Variants in C3AR1 observed in about 807,000 individuals in gnomAD.
C3AR1 encodes the protein complement C3a receptor 1, also known as C3a anaphylatoxin chemotactic receptor.
For missense variants in C3AR1, 579 were observed against 583.5 expected, an observed-to-expected ratio of 0.99 and a Z score of 0.08; for synonymous variants, 208 against 225.3, an observed-to-expected ratio of 0.92 and a Z score of 0.69.
At chr12:8,061,469 A>ATTC (rs1947273165) in intron 1 of C3AR1, among the ~76,000 whole-genome samples, 1 of 151,472 alleles carries the variant, frequency 6.6e-6, no homozygotes, top group South Asian at 2.1e-4. Context: ...TATTATTATT[A>ATTC]TTATTATTTT....
chr12:8,059,711 C>T lies in C3AR1; in HGVS notation c.475G>A (p.Val159Met), dbSNP rs758711287. 166 of 1,614,110 alleles carry T rather than the reference C, an allele frequency of 1.0e-4. No individual in the cohort carries two copies. In the South Asian group the frequency reaches 1.4e-3, roughly 14 times the overall value. Residue 159 changes from valine to methionine, a missense_variant, in exon 2 of 2, where the codon GTG becomes ATG. Transcript: ENST00000307637. ...TCTGTAGTGAAGATTTCCCGGTACACGAACACAGGAATGCACATCACAAAA... is the reference window on the plus strand; with the variant it reads ...TCTGTAGTGAAGATTTCCCGGTACATGAACACAGGAATGCACATCACAAAA... ...VAFVMCIPVFVYREIFTTDNH... is the reference protein window; with the variant it reads ...VAFVMCIPVFMYREIFTTDNH...
chr12:8,064,053 CAA>C (rs1205618939), intron 1 of C3AR1, among the ~76,000 whole-genome samples: 2 of 150,084 alleles, frequency 1.3e-5, no homozygotes, highest in African/African-American at 4.9e-5. Context: ...GCCTGCATGA[CAA>C]AGAGACTCTG....
At chr12:8,063,006 GGA>G (rs1429799516) in intron 1 of C3AR1, among the ~76,000 whole-genome samples, 20 of 125,324 alleles carry the variant, frequency 1.6e-4, no homozygotes, top group African/African-American at 5.7e-4. Context: ...CTCCCAGGCT[GGA>G]GTGCAATGGT....
intron 1 of C3AR1, among the ~76,000 whole-genome samples, chr12:8,062,974 T>G (rs1947290793): frequency 7.3e-6 from 1 of 137,612 alleles, no homozygotes; most frequent in Non-Finnish European, 1.6e-5. Context: ...TTTTTTTTTT[T>G]TGTGATGGAG....
Position 8,059,095 on chromosome 12 carries a change from T to C in C3AR1, c.1091A>G (p.Gln364Arg). Residue 364 changes from glutamine to arginine, a missense_variant, in exon 2 of 2, where the codon CAA becomes CGA. Physicochemically the swap from Gln to Arg is conservative, Grantham distance 43 (BLOSUM62 1). Transcript: ENST00000307637. Reference protein sequence around the residue: ...ACYSFIVFRMQRGRFAKSQSK... With the variant: ...ACYSFIVFRMRRGRFAKSQSK... ...CTGAGACTTGGCGAAGCGGCCCCTT[T>C]GCATTCGGAAGACAATGAAGCTGTA... 1 of 1,614,162 alleles carries C rather than the reference T, an allele frequency of 6.2e-7. No homozygotes were observed.
chr12:8,058,025 A>G lies in C3AR1; in HGVS notation c.*712T>C, dbSNP rs1444242410. Among the ~76,000 whole-genome samples, 1 of 152,190 alleles carries G rather than the reference A, an allele frequency of 6.6e-6. No homozygotes were observed. The highest frequency in any genetic ancestry group is 2.4e-5 in the African/African-American group (1 of 41,436). ...CAAACCACAGCTTTCATAACATTTCATGAGTCAGTTTTCACACAATAGATG... is the reference window on the plus strand; with the variant it reads ...CAAACCACAGCTTTCATAACATTTCGTGAGTCAGTTTTCACACAATAGATG... On this transcript the variant is annotated 3_prime_UTR_variant, in exon 2 of 2. Transcript: ENST00000307637.
Position 8,059,955 on chromosome 12 carries a change from G to A in C3AR1, c.231C>T (p.Phe77=), listed in dbSNP as rs745329924. Residue 77 remains phenylalanine, a synonymous_variant, in exon 2 of 2, where the codon TTC becomes TTT. Coordinates refer to ENST00000307637, the MANE Select transcript of C3AR1 (RefSeq NM_004054.4). ...ADLLCCLSLP[F]SLAHLALQGQ... ...CCTGGAGAGCCAAGTGAGCCAGCGA[G>A]AAGGGCAAGGAGAGGCAGCAGAGGA... The A allele has an allele frequency of 6.2e-7, 1 of 1,614,216 alleles. No homozygotes were observed. Among genetic ancestry groups the A allele is most frequent in the Non-Finnish European group, 8.5e-7 (1 of 1,180,040 alleles).
At chr12:8,061,065 T>C (rs1947268635) in intron 1 of C3AR1, among the ~76,000 whole-genome samples, 1 of 152,238 alleles carries the variant, frequency 6.6e-6, no homozygotes, top group African/African-American at 2.4e-5. Context: ...AGAGGTACTC[T>C]AGACTCAGCG....
In C3AR1 at chr12:8,060,131, T is replaced by A; in HGVS notation, c.55A>T (p.Asn19Tyr). The part of the protein sequence containing the change: ...NSTDLLSQPW[N>Y]EPPVILSMVI... ...ATGGAGAGAATTACTGGGGGCTCAT[T>A]CCATGGCTGTGAGAGTAGGTCAGTT... Residue 19 changes from asparagine to tyrosine, a missense_variant, in exon 2 of 2, where the codon AAT (asparagine) becomes TAT (tyrosine). Coordinates refer to ENST00000307637, the MANE Select transcript of C3AR1 (RefSeq NM_004054.4). The A allele has an allele frequency of 6.2e-7, 1 of 1,613,946 alleles. No individual in the cohort carries two copies. Among genetic ancestry groups the A allele is most frequent in the Admixed American group, 1.7e-5 (1 of 60,014 alleles).
At position 8,059,577 on chromosome 12, in the gene C3AR1, C is replaced by A. The variant is rs138822577; in HGVS notation, c.609G>T (p.Pro203=). The change falls in exon 2 of 2, where the codon CCG becomes CCT. Residue 203 remains proline (P), a synonymous_variant. Transcript: ENST00000307637. The stretch of plus-strand genomic sequence containing the variant: ...CTAACCTATCATTCATTTCTCCAGG[C>A]GGCTGAACAATGTTTTCAAGAGACC... ...ENRSLENIVQ[P]PGEMNDRLDP... is the part of the protein sequence containing the mutation. The A allele has an allele frequency of 7.1e-5, 114 of 1,614,016 alleles. No individual in the cohort carries two copies. The highest frequency in any genetic ancestry group is 1.6e-4 in the Middle Eastern group (1 of 6,084).
intron 1 of C3AR1, among the ~76,000 whole-genome samples, chr12:8,061,402 G>C (rs1947272273): frequency 6.6e-6 from 1 of 151,998 alleles, no homozygotes. Context: ...GACAGCAGGG[G>C]CTGTGATGGC....
intron 1 of C3AR1, among the ~76,000 whole-genome samples, chr12:8,062,392 T>C (rs769960482): frequency 6.6e-6 from 1 of 152,168 alleles, no homozygotes; most frequent in African/African-American, 2.4e-5. Context: ...GGTCTCCAAC[T>C]CCTGGGCTCT....
chr12:8,061,238 A>G (rs1156250657), intron 1 of C3AR1, among the ~76,000 whole-genome samples: 6 of 152,210 alleles, frequency 3.9e-5, no homozygotes, highest in Admixed American at 1.3e-4. Flanking sequence ...AGCAAAAAAT[A>G]TGCATGAAGA....
chr12:8,058,505 C>T lies in C3AR1; in HGVS notation c.*232G>A. ...GGTTTGTTAAGTGCCCTTGCTGGGT[C>T]CCAACCCCCAGAGATTCCGATTCAG... On this transcript the variant is annotated 3_prime_UTR_variant, in exon 2 of 2. Transcript: ENST00000307637. The T allele has an allele frequency of 2.0e-6, 1 of 501,850 alleles. No homozygotes were observed. The highest frequency in any genetic ancestry group is 3.5e-6 in the Non-Finnish European group (1 of 285,262). The allele number at this position is 501,850 out of a possible 1,614,324, so 31.1% of individuals were successfully genotyped here. A position where few individuals can be genotyped will look rare whatever the true frequency, so the allele number is the denominator to read the frequency against.
chr12:8,058,546 G>T lies in C3AR1; in HGVS notation c.*191C>A. The T allele has an allele frequency of 3.2e-6, 2 of 631,872 alleles. No individual in the cohort carries two copies. Among genetic ancestry groups the T allele is most frequent in the Non-Finnish European group, 5.3e-6 (2 of 380,066 alleles). The allele number at this position is 631,872 out of a possible 1,614,324, so 39.1% of individuals were successfully genotyped here. ...TCCGATTCAGCAAGTCTGGGATGCG[G>T]CTTGAGAATTTGCATTTCTAACAAG... is the stretch of plus-strand genomic sequence containing the variant. On this transcript the variant is annotated 3_prime_UTR_variant, in exon 2 of 2. Transcript: ENST00000307637.
rs755562584 is a variant in C3AR1, at chr12:8,059,396, C to T, written c.790G>A (p.Val264Met). ...LYSNVFKPAD[V>M]VSPKIPSGFP... ...CCACTGGGGATTTTAGGTGAGACCA[C>T]ATCAGCAGGTTTAAATACATTAGAA... The change falls in exon 2 of 2, where the codon GTG (valine) becomes ATG (methionine). Residue 264 changes from valine to methionine, a missense_variant. Val to Met is a conservative substitution (Grantham distance 21, BLOSUM62 1). Transcript: ENST00000307637. 1.9e-5 allele frequency: 31 copies of T among 1,614,006 alleles called. No individual in the cohort carries two copies. The Admixed American group carries it at 2.8e-4, about 15-fold the overall frequency.
At chr12:8,064,605 C>T (rs1014030622) in intron 1 of C3AR1, among the ~76,000 whole-genome samples, 5 of 150,920 alleles carry the variant, frequency 3.3e-5, no homozygotes, top group South Asian at 2.1e-4. Context: ...AGGAGAATCG[C>T]TTGAACCTGG....
At position 8,059,916 on chromosome 12, in the gene C3AR1, GT is replaced by G. The variant is rs1565636037; in HGVS notation, c.269del (p.Tyr90SerfsTer47). 1 of 1,614,188 alleles carries G rather than the reference GT, an allele frequency of 6.2e-7. No individual in the cohort carries two copies. Among genetic ancestry groups the G allele is most frequent in the East Asian group, 2.2e-5 (1 of 44,884 alleles). On this transcript the variant is annotated frameshift_variant, in exon 2 of 2. Transcript: ENST00000307637. LOFTEE classifies it low-confidence loss of function (END_TRUNC). ...GGATGAGCTTGCATAGGAACCTGCC[GT>G]AGGGCCACTGTCCCTGGAGAGCCAA... ...AHLALQGQWP[Y>X]GRFLCKLIPS...
intron 1 of C3AR1, among the ~76,000 whole-genome samples, chr12:8,065,211 C>G (rs995071184): frequency 6.7e-6 from 1 of 150,048 alleles, no homozygotes; most frequent in African/African-American, 2.5e-5. Context: ...AAAGGGGAAG[C>G]TGCCGAGAAC....
Sources: gnomAD v4.1 joint callset for allele counts (sites outside exome capture counted in the v4.1 genomes callset) on GRCh38, gnomAD v4.1.1 for gene constraint, MANE v1.5 for transcripts, NCBI Gene and HGNC (gene_info 2026-07-23, HGNC 2026-07-21) for gene names.